SCN11A: variants seen among roughly 807,000 people sequenced by gnomAD.
SCN11A encodes sodium channel protein type 11 subunit alpha.
Under a neutral mutation model 162.2 loss-of-function variants are expected in SCN11A, and 122 were observed. That is an observed-to-expected ratio of 0.75 (90% confidence interval 0.65 to 0.87). The LOEUF (loss-of-function observed/expected upper bound fraction) is 0.87, where lower values mean the gene tolerates loss of function less well. Among genes scored for constraint, SCN11A ranks in the 40% least tolerant of loss-of-function variants. The pLI is 0.00. For missense variants in SCN11A, 2,015 were observed against 2,181.6 expected (o/e 0.92, Z 1.52); for synonymous variants, 758 against 751.5 (o/e 1.01, Z -0.14).
At position 39,036,727 on chromosome 3, in the gene SCN11A, G is replaced by A. The variant is rs140044957; in HGVS notation, c.-403-4224C>T. On this transcript the variant is annotated intron_variant, in intron 1 of 29. Coordinates refer to ENST00000302328, the MANE Select transcript of SCN11A (RefSeq NM_001349253.2). ...AGATATTTCTCAAAAGAAGACATAC[G>A]AATGAAAAGGTGCCCAACATCACTG... Among the ~76,000 whole-genome samples the A allele has an allele frequency of 5.6e-3, 858 of 152,194 alleles. 14 individuals carry two copies. The highest frequency in any genetic ancestry group is 0.039 in the East Asian group (202 of 5,188).
chr3:38,957,154 T>C (rs1291936943), intron 3 of SCN11A, among the ~76,000 whole-genome samples: 1 of 151,908 alleles, frequency 6.6e-6, no homozygotes, highest in East Asian at 1.9e-4. Flanking sequence ...GAAAATTAAA[T>C]AGTCCCTGGG....
At position 38,921,118 on chromosome 3, in the gene SCN11A, T is replaced by G; in HGVS notation, c.850A>C (p.Ile284Leu). The change falls in exon 10 of 30, where the codon ATC (isoleucine) becomes CTC (leucine). Residue 284 changes from isoleucine to leucine, a missense_variant. Ile to Leu is a conservative substitution (Grantham distance 5, BLOSUM62 2). Transcript: ENST00000302328. Reference protein sequence around the residue: ...LFMGSLNLKCISRDCKNISNP... With the variant: ...LFMGSLNLKCLSRDCKNISNP... ...CTGATATTTTTACAGTCCCTCGAGA[T>G]GCATTTCAGGTTCAGACTTCCCATG... The G allele has an allele frequency of 6.2e-7, 1 of 1,614,112 alleles. No individual in the cohort carries two copies. The highest frequency in any genetic ancestry group is 1.1e-5 in the South Asian group (1 of 91,078).
intron 2 of SCN11A, among the ~76,000 whole-genome samples, chr3:39,010,055 A>C (rs2031082496): frequency 6.6e-6 from 1 of 152,114 alleles, no homozygotes; most frequent in Admixed American, 6.5e-5. Flanking sequence ...ACTATATTAG[A>C]TAGTAGGGGC....
intron 11 of SCN11A, among the ~76,000 whole-genome samples, chr3:38,916,267 T>C (rs533426092): frequency 1.3e-5 from 2 of 152,292 alleles, no homozygotes; most frequent in Admixed American, 6.5e-5. Flanking sequence ...CAGCTTGCCA[T>C]TGTGTGCCTT....
At chr3:38,879,597 C>G (rs930152257) in intron 23 of SCN11A, among the ~76,000 whole-genome samples, 1 of 151,984 alleles carries the variant, frequency 6.6e-6, no homozygotes, top group Non-Finnish European at 1.5e-5. Context: ...TTTGAGAAGT[C>G]TTGAAAAGAA....
intron 9 of SCN11A, among the ~76,000 whole-genome samples, chr3:38,923,001 T>C (rs1559534218): frequency 6.6e-6 from 1 of 152,032 alleles, no homozygotes; most frequent in African/African-American, 2.4e-5. Context: ...TTTGTTTTAG[T>C]AAAGAAAAGA....
chr3:38,873,203 A>C (rs2065156537), intron 23 of SCN11A, among the ~76,000 whole-genome samples: 2 of 152,188 alleles, frequency 1.3e-5, no homozygotes, highest in Admixed American at 6.6e-5. Flanking sequence ...ATCAATGCTG[A>C]GCTTGAGTTG....
At chr3:38,912,437 C>T (rs1438326615) in intron 11 of SCN11A, among the ~76,000 whole-genome samples, 1 of 152,056 alleles carries the variant, frequency 6.6e-6, no homozygotes, top group African/African-American at 2.4e-5. Context: ...ACACCAACAT[C>T]CCCTCTTCAA....
intron 2 of SCN11A, among the ~76,000 whole-genome samples, chr3:38,994,280 G>A (rs1467434775): frequency 1.3e-5 from 2 of 152,192 alleles, no homozygotes; most frequent in East Asian, 3.8e-4. Context: ...GACCAGCTAA[G>A]CTCCTGGATC....
intron 9 of SCN11A, 44 bp from the exon 10 acceptor site, chr3:38,921,299 CCAGA>C: frequency 6.3e-7 from 1 of 1,586,144 alleles, no homozygotes; most frequent in Non-Finnish European, 8.6e-7. Context: ...TCCCCCTCAG[CCAGA>C]CACTCACAAA....
chr3:38,917,435 C>CT (rs1273673657), intron 11 of SCN11A, among the ~76,000 whole-genome samples: 3 of 152,222 alleles, frequency 2.0e-5, no homozygotes, highest in African/African-American at 7.2e-5. Context: ...CAATGACAGA[C>CT]TGGATAAAGC....
intron 2 of SCN11A, among the ~76,000 whole-genome samples, chr3:39,022,104 T>C (rs1313814400): frequency 5.3e-5 from 8 of 152,168 alleles, no homozygotes; most frequent in Admixed American, 1.3e-4. Flanking sequence ...CTGGCCTGTC[T>C]AAGGAGAAGG....
intron 21 of SCN11A, 69 bp downstream of exon 21, chr3:38,885,219 A>G: frequency 1.1e-6 from 1 of 884,686 alleles, no homozygotes; most frequent in Non-Finnish European, 1.9e-6. Flanking sequence ...AAAACCACAG[A>G]GCTTCAAAGA....
At position 38,950,274 on chromosome 3, in the gene SCN11A, C is replaced by A. The variant is rs775942010; in HGVS notation, c.89G>T (p.Arg30Leu). The change falls in exon 5 of 30, where the codon CGG becomes CTG. Residue 30 changes from arginine (R) to leucine (L), a missense_variant. By Grantham distance (102) the Arg-to-Leu change is moderately radical (BLOSUM62 -2). Coordinates refer to ENST00000302328, the MANE Select transcript of SCN11A (RefSeq NM_001349253.2). ...CTTTTTCTCCTTTTGGATGGCAATC[C>A]GCTTCTCAATTGCAGCCAGAGAGTC... Reference protein sequence around the residue: ...TSDSLAAIEKRIAIQKEKKKS... With the variant: ...TSDSLAAIEKLIAIQKEKKKS... 2 of 1,613,898 alleles carry A rather than the reference C, an allele frequency of 1.2e-6. No homozygotes were observed. Among genetic ancestry groups the A allele is most frequent in the East Asian group, 2.2e-5 (1 of 44,882 alleles).
intron 19 of SCN11A, among the ~76,000 whole-genome samples, chr3:38,890,132 C>G (rs559103574): frequency 6.6e-6 from 1 of 152,108 alleles, no homozygotes; most frequent in East Asian, 1.9e-4. Context: ...ATCCCAGAAG[C>G]GGCAGCCCAA....
intron 3 of SCN11A, among the ~76,000 whole-genome samples, chr3:38,956,044 A>G (rs138099237): frequency 1.2e-4 from 18 of 152,234 alleles, no homozygotes; most frequent in African/African-American, 4.1e-4. Flanking sequence ...CAGGAGTTTG[A>G]GCCCACCCTG....
chr3:38,862,540 A>G (rs1221490787), intron 28 of SCN11A, among the ~76,000 whole-genome samples: 1 of 152,152 alleles, frequency 6.6e-6, no homozygotes, highest in Non-Finnish European at 1.5e-5. Flanking sequence ...GTATATCTAC[A>G]CCATGGAATA....
chr3:38,938,524 ATATATATAT>A (rs2066377304), intron 7 of SCN11A, among the ~76,000 whole-genome samples: 3 of 16,260 alleles, frequency 1.8e-4, no homozygotes, highest in African/African-American at 7.5e-4. Flanking sequence ...ATATATATAT[ATATATATAT>A]ATATATATAT....
At chr3:38,898,640 G>A (rs2065645908) in intron 17 of SCN11A, among the ~76,000 whole-genome samples, 1 of 152,086 alleles carries the variant, frequency 6.6e-6, no homozygotes, top group Non-Finnish European at 1.5e-5. Context: ...GGACTTTATA[G>A]GAAACAACCT....
Sources: gnomAD v4.1 joint callset for allele counts (sites outside exome capture counted in the v4.1 genomes callset) on GRCh38, gnomAD v4.1.1 for gene constraint, MANE v1.5 for transcripts, NCBI Gene and HGNC (gene_info 2026-07-23, HGNC 2026-07-21) for gene names.